The following FARS2 variants were observed in gnomAD, a reference collection of about 807,000 sequenced individuals.
The protein encoded by FARS2 is phenylalanine--tRNA ligase, mitochondrial.
Under a neutral mutation model 46.4 loss-of-function variants are expected in FARS2, and 40 were observed. The observed-to-expected ratio is 0.86, with a 90% confidence interval of 0.67 to 1.12. The LOEUF (loss-of-function observed/expected upper bound fraction) is 1.12. Ranked by LOEUF, FARS2 falls within the 50% of genes most tolerant of loss-of-function variation. The pLI is 0.00. For missense variants in FARS2, 513 were observed against 567.9 expected (o/e 0.90, Z 0.98); for synonymous variants, 234 against 214.9 (o/e 1.09, Z -0.78).
intron 6 of FARS2, among the ~76,000 whole-genome samples, chr6:5,686,700 T>A (rs1052599874): frequency 6.6e-6 from 1 of 152,240 alleles, no homozygotes; most frequent in Non-Finnish European, 1.5e-5. Flanking sequence ...TGTTTTATAA[T>A]CCTTTGGGTA....
intron 6 of FARS2, among the ~76,000 whole-genome samples, chr6:5,637,128 G>T (rs768754309): frequency 6.6e-6 from 1 of 152,228 alleles, no homozygotes; most frequent in Non-Finnish European, 1.5e-5. Flanking sequence ...CCTCAGTGGC[G>T]TGAGAGGCTC....
intron 2 of FARS2, among the ~76,000 whole-genome samples, chr6:5,398,691 A>G (rs1444415639): frequency 6.6e-6 from 1 of 152,130 alleles, no homozygotes; most frequent in Non-Finnish European, 1.5e-5. Context: ...ACCTACTTCT[A>G]TTTCCGTATT....
intron 2 of FARS2, among the ~76,000 whole-genome samples, chr6:5,394,424 T>C (rs1760768182): frequency 6.6e-6 from 1 of 152,178 alleles, no homozygotes; most frequent in Non-Finnish European, 1.5e-5. Context: ...TAGGTGTGCA[T>C]AGTGGGCTAT....
chr6:5,566,568 T>C (rs878960175), intron 5 of FARS2, among the ~76,000 whole-genome samples: 2 of 152,162 alleles, frequency 1.3e-5, no homozygotes, highest in East Asian at 3.9e-4. Flanking sequence ...TTTAGGGCCT[T>C]TTATGCATGC....
rs559212852 is a variant in FARS2, at chr6:5,363,889, G to A, written c.-21-4661G>A. Among the ~76,000 whole-genome samples the A allele has an allele frequency of 7.2e-5, 11 of 152,214 alleles. No homozygotes were observed. In the East Asian group the frequency reaches 7.7e-4, roughly 11 times the overall value. On this transcript the variant is annotated intron_variant, in intron 1 of 6. Transcript: ENST00000274680. ...ATACGCTTGTGATATTAACTCTTAC[G>A]TCTATGCAAATTACCTCCAAGGTCT...
chr6:5,742,956 C>T (rs976749696), intron 6 of FARS2, among the ~76,000 whole-genome samples: 7 of 151,882 alleles, frequency 4.6e-5, no homozygotes, highest in Non-Finnish European at 8.8e-5. Context: ...GTGTGTGTTT[C>T]CTGAAGGCCA....
Position 5,458,881 on chromosome 6 carries a change from C to T in FARS2, c.904+27709C>T, listed in dbSNP as rs183925465. Among the ~76,000 whole-genome samples, 23 of 152,246 alleles carry T rather than the reference C, an allele frequency of 1.5e-4. No homozygotes were observed. In the East Asian group the frequency reaches 3.3e-3, roughly 22 times the overall value. ...GATTTGTCTGTTGTGGTGAGAAGGG[C>T]CATCCATGACTGTACAAATGGTGCC... On this transcript the variant is annotated intron_variant, in intron 4 of 6. Coordinates refer to ENST00000274680, the MANE Select transcript of FARS2 (RefSeq NM_006567.5).
chr6:5,642,648 C>G (rs540761023), intron 6 of FARS2, among the ~76,000 whole-genome samples: 1 of 152,234 alleles, frequency 6.6e-6, no homozygotes, highest in African/African-American at 2.4e-5. Context: ...GAACTTCCTC[C>G]TGTGCTTTTC....
At chr6:5,259,305 T>C (rs146048163), upstream of FARS2, among the ~76,000 whole-genome samples, 5 of 152,348 alleles carry the variant, frequency 3.3e-5, no homozygotes, top group East Asian at 9.6e-4. Flanking sequence ...CAGACTTGGT[T>C]AAGTACTTGG....
At chr6:5,761,047 A>G (rs184353933) in intron 6 of FARS2, among the ~76,000 whole-genome samples, 1 of 152,310 alleles carries the variant, frequency 6.6e-6, no homozygotes, top group African/African-American at 2.4e-5. Flanking sequence ...AATACAATGA[A>G]TGCCCCTTGC....
chr6:5,622,887 A>G (rs1775844937), intron 6 of FARS2, among the ~76,000 whole-genome samples: 1 of 152,172 alleles, frequency 6.6e-6, no homozygotes, highest in Non-Finnish European at 1.5e-5. Flanking sequence ...AGGGAGACTT[A>G]CTACATAATG....
intron 6 of FARS2, among the ~76,000 whole-genome samples, chr6:5,714,052 A>G (rs1759343736): frequency 6.6e-6 from 1 of 152,154 alleles, no homozygotes; most frequent in African/African-American, 2.4e-5. Flanking sequence ...AGCACATGTG[A>G]GCATCTTAAA....
At chr6:5,363,545 A>G (rs1182955907) in intron 1 of FARS2, among the ~76,000 whole-genome samples, 1 of 152,012 alleles carries the variant, frequency 6.6e-6, no homozygotes, top group African/African-American at 2.4e-5. Context: ...TATAAGAGAG[A>G]GAGGAGAGAA....
At chr6:5,672,147 G>A (rs1261627268) in intron 6 of FARS2, among the ~76,000 whole-genome samples, 1 of 152,198 alleles carries the variant, frequency 6.6e-6, no homozygotes, top group Non-Finnish European at 1.5e-5. Context: ...GAAGGCAAGA[G>A]TAAAGAGAAG....
At chr6:5,391,248 G>T (rs534148632) in intron 2 of FARS2, among the ~76,000 whole-genome samples, 1 of 152,176 alleles carries the variant, frequency 6.6e-6, no homozygotes. Flanking sequence ...TGGAGATTTT[G>T]GGTTGAATTC....
intron 4 of FARS2, among the ~76,000 whole-genome samples, chr6:5,527,484 A>C (rs936517041): frequency 1.3e-5 from 2 of 152,282 alleles, no homozygotes; most frequent in Non-Finnish European, 2.9e-5. Context: ...ATACAGTTGA[A>C]GTAAATGAAA....
chr6:5,460,177 G>A (rs1256650026), intron 4 of FARS2, among the ~76,000 whole-genome samples: 2 of 152,116 alleles, frequency 1.3e-5, no homozygotes, highest in Non-Finnish European at 2.9e-5. Context: ...TTAGTTTTCT[G>A]TATGCTTTTC....
intron 6 of FARS2, among the ~76,000 whole-genome samples, chr6:5,705,010 A>T (rs1246130156): frequency 2.6e-5 from 4 of 152,164 alleles, no homozygotes; most frequent in Non-Finnish European, 2.9e-5. Context: ...ATAGTTCTCA[A>T]AATTATTATT....
chr6:5,532,783 T>TAATAAGAAGAAGAAGAAGAAG (rs894517533), intron 4 of FARS2, among the ~76,000 whole-genome samples: 3 of 138,668 alleles, frequency 2.2e-5, no homozygotes, highest in African/African-American at 9.1e-5. Flanking sequence ...ATAATAATAA[T>TAATAAGAAGAAGAAGAAGAAG]AAGAAGAAGA....
Sources: gnomAD v4.1 joint callset for allele counts (sites outside exome capture counted in the v4.1 genomes callset) on GRCh38, gnomAD v4.1.1 for gene constraint, MANE v1.5 for transcripts, NCBI Gene and HGNC (gene_info 2026-07-23, HGNC 2026-07-21) for gene names.